Variants in ADCY8 observed in about 807,000 individuals in gnomAD.
ADCY8 encodes adenylate cyclase type 8.
A neutral mutation model predicts 119.7 loss-of-function variants in ADCY8; 51 were observed. The observed-to-expected ratio is 0.43, with a 90% CI of 0.34 to 0.54. The LOEUF (loss-of-function observed/expected upper bound fraction) is 0.54, where lower values mean the gene tolerates loss of function less well. Among genes scored for constraint, ADCY8 ranks in the 20% least tolerant of loss-of-function variants. ADCY8 has a pLI of 0.03. For synonymous variants in ADCY8, 665 were observed against 651.0 expected (o/e 1.02, Z -0.33); for missense variants, 1,383 against 1,598.8 (o/e 0.87, Z 2.30).
intron 3 of ADCY8, among the ~76,000 whole-genome samples, chr8:130,951,201 T>C (rs1821258762): frequency 6.6e-6 from 1 of 152,246 alleles, no homozygotes; most frequent in South Asian, 2.1e-4. Flanking sequence ...GGAAGAATTT[T>C]GAGATTCAGG....
At chr8:131,009,368 T>A (rs2130777093) in intron 1 of ADCY8, among the ~76,000 whole-genome samples, 1 of 152,202 alleles carries the variant, frequency 6.6e-6, no homozygotes, top group East Asian at 1.9e-4. Flanking sequence ...AGTGACCAGG[T>A]GGAGGTATTT....
intron 2 of ADCY8, 60 bp from the exon 3 acceptor site, chr8:130,952,058 G>T: frequency 6.3e-7 from 1 of 1,596,068 alleles, no homozygotes; most frequent in Admixed American, 1.7e-5. Context: ...AGATGGGAGG[G>T]TGGAGGGTGG....
intron 5 of ADCY8, among the ~76,000 whole-genome samples, chr8:130,928,287 A>G (rs1820531850): frequency 6.6e-6 from 1 of 152,180 alleles, no homozygotes; most frequent in African/African-American, 2.4e-5. Context: ...TGCTCAGGCT[A>G]GTCTCATACT....
intron 1 of ADCY8, among the ~76,000 whole-genome samples, chr8:131,008,540 A>G (rs1034844608): frequency 6.6e-6 from 1 of 152,164 alleles, no homozygotes; most frequent in African/African-American, 2.4e-5. Context: ...TGGAACTGTG[A>G]GTCAATTAAG....
At chr8:130,964,886 T>A (rs1276544311) in intron 2 of ADCY8, among the ~76,000 whole-genome samples, 2 of 152,232 alleles carry the variant, frequency 1.3e-5, no homozygotes, top group Non-Finnish European at 2.9e-5. Context: ...TGAGATAGTG[T>A]CTCATTGTGG....
rs1274551788 is a variant in ADCY8 at position 130,869,991 on chromosome 8, C to CCTT, written c.2110-2046_2110-2045insAAG. Among the ~76,000 whole-genome samples, 97 of 133,704 alleles carry CCTT rather than the reference C, an allele frequency of 7.3e-4. 2 individuals are homozygous for CCTT. In the East Asian group the frequency reaches 0.022, roughly 30 times the overall value. 87.7% of individuals were successfully genotyped at this position (133,704 alleles called of 152,430 possible). A position where few individuals can be genotyped will look rare whatever the true frequency, so the allele number is the denominator to read the frequency against. On this transcript the variant is annotated intron_variant, in intron 8 of 17. Coordinates refer to ENST00000286355, the MANE Select transcript of ADCY8 (RefSeq NM_001115.3). Reference sequence around the variant, plus strand: ...CTTCCTTCTTCCTCCTCCTCCTCCTCCTCTCCTCTTCCTCTTCTTTCTTCT... The same window carrying CCTT: ...CTTCCTTCTTCCTCCTCCTCCTCCTCCTTCTCTCCTCTTCCTCTTCTTTCTTCT...
At chr8:130,939,320 T>C (rs1820889968) in intron 4 of ADCY8, among the ~76,000 whole-genome samples, 1 of 152,208 alleles carries the variant, frequency 6.6e-6, no homozygotes. Context: ...TAAAATCTCA[T>C]GCCAAGTTTA....
intron 6 of ADCY8, among the ~76,000 whole-genome samples, chr8:130,907,401 C>A (rs1275959389): frequency 1.3e-5 from 2 of 152,186 alleles, no homozygotes; most frequent in Admixed American, 1.3e-4. Context: ...CATGGTGAGT[C>A]TGGGGTCCCG....
At chr8:130,905,822 T>C (rs1021537931) in intron 6 of ADCY8, among the ~76,000 whole-genome samples, 4 of 152,210 alleles carry the variant, frequency 2.6e-5, no homozygotes, top group Non-Finnish European at 4.4e-5. Flanking sequence ...ATCATGCCAC[T>C]GCACTTCATT....
At chr8:131,024,116 C>G (rs1357285853) in intron 1 of ADCY8, among the ~76,000 whole-genome samples, 1 of 152,096 alleles carries the variant, frequency 6.6e-6, no homozygotes, top group East Asian at 1.9e-4. Context: ...CAGCAATGGC[C>G]CAGGGCACCA....
At chr8:130,811,803 G>A (rs1450169449) in intron 14 of ADCY8, among the ~76,000 whole-genome samples, 1 of 152,152 alleles carries the variant, frequency 6.6e-6, no homozygotes, top group Non-Finnish European at 1.5e-5. Flanking sequence ...TCCTTGTAAG[G>A]CTCCTCCTAA....
chr8:130,872,279 C>G (rs1428855259), intron 8 of ADCY8, among the ~76,000 whole-genome samples: 1 of 152,164 alleles, frequency 6.6e-6, no homozygotes, highest in Admixed American at 6.5e-5. Flanking sequence ...TATTGCAACT[C>G]TTGAAGAAGG....
intron 1 of ADCY8, among the ~76,000 whole-genome samples, chr8:131,023,525 A>G (rs1823737937): frequency 6.6e-6 from 1 of 152,228 alleles, no homozygotes; most frequent in South Asian, 2.1e-4. Flanking sequence ...ACACAGTGCC[A>G]CTTTCATAAG....
chr8:130,992,718 A>G (rs187625275), intron 1 of ADCY8, among the ~76,000 whole-genome samples: 47 of 152,156 alleles, frequency 3.1e-4, no homozygotes, highest in African/African-American at 1.1e-3. Context: ...GACAGCCAAA[A>G]AAAAATTTTT....
At chr8:130,892,967 A>G (rs1395461171) in intron 7 of ADCY8, among the ~76,000 whole-genome samples, 2 of 152,116 alleles carry the variant, frequency 1.3e-5, no homozygotes, top group Non-Finnish European at 2.9e-5. Flanking sequence ...CCACCAATCT[A>G]TTAGCTAATC....
Position 130,937,069 on chromosome 8 carries a change from T to G in ADCY8, c.1481+4A>C. Reference sequence around the variant, plus strand: ...CAGGTAACATGATGGGGATCACAAATTACCTGATGGTTTTGATCATGCTGA... The same window carrying G: ...CAGGTAACATGATGGGGATCACAAAGTACCTGATGGTTTTGATCATGCTGA... On this transcript the variant is annotated splice_donor_region_variant and intron_variant, in intron 5 of 17. Coordinates refer to ENST00000286355, the MANE Select transcript of ADCY8 (RefSeq NM_001115.3). The G allele has an allele frequency of 6.2e-7, 1 of 1,608,780 alleles. No individual in the cohort carries two copies. Among genetic ancestry groups the G allele is most frequent in the Non-Finnish European group, 8.5e-7 (1 of 1,176,886 alleles).
intron 10 of ADCY8, among the ~76,000 whole-genome samples, chr8:130,849,156 C>T (rs1024532038): frequency 1.3e-5 from 2 of 152,088 alleles, no homozygotes; most frequent in African/African-American, 4.8e-5. Context: ...CAAGTTATTT[C>T]ATGTCTCTGA....
chr8:130,981,715 C>T (rs540466493), intron 2 of ADCY8, among the ~76,000 whole-genome samples: 1 of 152,268 alleles, frequency 6.6e-6, no homozygotes, highest in South Asian at 2.1e-4. Context: ...ATTTGTATTG[C>T]TTGTGGATGC....
intron 13 of ADCY8, among the ~76,000 whole-genome samples, chr8:130,817,849 C>T (rs370963673): frequency 2.6e-5 from 4 of 152,234 alleles, no homozygotes; most frequent in Admixed American, 1.3e-4. Flanking sequence ...TCTTTAGTAA[C>T]GTATTCCAGC....
Sources: allele counts gnomAD v4.1 joint callset (sites outside exome capture counted in the v4.1 genomes callset), GRCh38; gene constraint gnomAD v4.1.1; transcripts MANE v1.5; gene names NCBI Gene and HGNC (gene_info 2026-07-23, HGNC 2026-07-21).